The following SERPINB10 variants were observed in gnomAD, a reference collection of about 807,000 sequenced individuals.
SERPINB10 encodes serpin family B member 10, also known as serpin B10.
A neutral mutation model predicts 39.1 loss-of-function variants in SERPINB10; 35 were observed. The observed-to-expected ratio is 0.90, with a 90% CI of 0.68 to 1.19. The LOEUF is 1.19. Ranked by LOEUF, SERPINB10 falls within the 50% of genes most tolerant of loss-of-function variation. The pLI is 0.00. For synonymous variants in SERPINB10, 190 were observed against 158.1 expected, an observed-to-expected ratio of 1.20 and a Z score of -1.52; for missense variants, 546 against 460.5, an observed-to-expected ratio of 1.19 and a Z score of -1.70.
intron 5 of SERPINB10, among the ~76,000 whole-genome samples, chr18:63,926,539 G>A (rs1232469697): frequency 6.6e-6 from 1 of 152,014 alleles, no homozygotes; most frequent in East Asian, 1.9e-4. Context: ...TCACAAAAAT[G>A]CATAACTTGA....
chr18:63,920,517 A>C (rs1203501425), intron 5 of SERPINB10, among the ~76,000 whole-genome samples: 57 of 152,142 alleles, frequency 3.7e-4, no homozygotes, highest in Non-Finnish European at 2.9e-5. Flanking sequence ...CATGGCTTCC[A>C]TCTCTAGGTG....
At chr18:63,919,485 C>A (rs970868538) in intron 4 of SERPINB10, among the ~76,000 whole-genome samples, 2 of 151,898 alleles carry the variant, frequency 1.3e-5, no homozygotes, top group Non-Finnish European at 2.9e-5. Context: ...CCTTTCCATT[C>A]TAGCCTCATT....
At chr18:63,929,975 G>A (rs939061082) in intron 5 of SERPINB10, 70 bp from the exon 6 acceptor site, 1 of 1,494,582 alleles carries the variant, frequency 6.7e-7, no homozygotes, top group Non-Finnish European at 9.1e-7. Context: ...AAAAATAGAA[G>A]CCTGGTTGTC....
Position 63,917,459 on chromosome 18 carries a change from C to A in SERPINB10, c.172C>A (p.Leu58Ile). The change falls in exon 3 of 8, where the codon CTT (leucine) becomes ATT (isoleucine). Residue 58 changes from leucine (L) to isoleucine (I), a missense_variant. Coordinates refer to ENST00000238508, the MANE Select transcript of SERPINB10 (RefSeq NM_005024.3). ...TGTATTTTTATTGAAATTACAGGTG[C>A]TTCAATTTAACAGAGACCAGGGAGT... ...GTTAAQMAQVLQFNRDQGVKC... is the reference protein window; with the variant it reads ...GTTAAQMAQVIQFNRDQGVKC... The A allele has an allele frequency of 6.4e-7, 1 of 1,568,810 alleles. No homozygotes were observed.
At chr18:63,932,400 T>A (rs1485822902) in intron 6 of SERPINB10, among the ~76,000 whole-genome samples, 2 of 152,178 alleles carry the variant, frequency 1.3e-5, no homozygotes, top group Non-Finnish European at 2.9e-5. Flanking sequence ...TGTTGCTTCA[T>A]ATCGTCATCA....
chr18:63,915,963 T>C (rs1599077075), intron 2 of SERPINB10, among the ~76,000 whole-genome samples: 1 of 152,182 alleles, frequency 6.6e-6, no homozygotes, highest in East Asian at 1.9e-4. Context: ...AAACCAATTT[T>C]ATTTTGATGA....
At chr18:63,923,706 T>A (rs777579544) in intron 5 of SERPINB10, among the ~76,000 whole-genome samples, 16 of 151,964 alleles carry the variant, frequency 1.1e-4, no homozygotes, top group Non-Finnish European at 1.5e-4. Context: ...ATATTATTTA[T>A]TTCATGATTT....
intron 5 of SERPINB10, among the ~76,000 whole-genome samples, chr18:63,923,171 C>T (rs1346199088): frequency 1.3e-5 from 2 of 151,918 alleles, no homozygotes; most frequent in African/African-American, 4.8e-5. Context: ...TATTTCATTC[C>T]TCCAGCTGAC....
rs193272394 is a variant in SERPINB10 at position 63,926,251 on chromosome 18, T to A, written c.491-3794T>A. Among the ~76,000 whole-genome samples the A allele has an allele frequency of 2.4e-3, 363 of 152,078 alleles. 4 individuals are homozygous for A. The highest frequency in any genetic ancestry group is 8.3e-3 in the African/African-American group (345 of 41,502). ...TACATCACTCCAATCTTTGCCTGCA[T>A]TGGTACATGGCTTCCTCTTGTTATC... On this transcript the variant is annotated intron_variant, in intron 5 of 7. Transcript: ENST00000238508.
intron 6 of SERPINB10, among the ~76,000 whole-genome samples, chr18:63,932,339 C>G: frequency 6.6e-6 from 1 of 152,188 alleles, no homozygotes; most frequent in Non-Finnish European, 1.5e-5. Context: ...CAACTGTTTT[C>G]CAAAGTGGCT....
chr18:63,921,126 CAAAGGCATCATCATT>C (rs954904373), intron 5 of SERPINB10, among the ~76,000 whole-genome samples: 7 of 151,910 alleles, frequency 4.6e-5, no homozygotes, highest in Non-Finnish European at 1.0e-4. Context: ...TGAAGAAATA[CAAAGGCATCATCATT>C]AATGAAGATT....
intron 5 of SERPINB10, among the ~76,000 whole-genome samples, chr18:63,929,512 A>G (rs1177345666): frequency 2.6e-5 from 4 of 152,090 alleles, no homozygotes; most frequent in African/African-American, 9.6e-5. Context: ...ACATTTTAGC[A>G]CAAGTGTCTT....
At chr18:63,914,962 G>A (rs2050090724) in intron 1 of SERPINB10, among the ~76,000 whole-genome samples, 1 of 152,026 alleles carries the variant, frequency 6.6e-6, no homozygotes, top group Non-Finnish European at 1.5e-5. Flanking sequence ...TTCTCTACAA[G>A]CATTTTCCAA....
At chr18:63,916,537 C>T (rs1347155379) in intron 2 of SERPINB10, among the ~76,000 whole-genome samples, 1 of 152,010 alleles carries the variant, frequency 6.6e-6, no homozygotes, top group African/African-American at 2.4e-5. Context: ...CATCCTTACT[C>T]TTGTAGTTCA....
intron 5 of SERPINB10, 44 bp from the exon 6 acceptor site, chr18:63,929,997 TATAC>T (rs1232299066): frequency 6.3e-7 from 1 of 1,584,766 alleles, no homozygotes; most frequent in Non-Finnish European, 8.6e-7. Flanking sequence ...TTAGTTAAAA[TATAC>T]ATATTTCTAC....
At chr18:63,919,236 ATTTTT>A (rs397969917) in intron 4 of SERPINB10, among the ~76,000 whole-genome samples, 1 of 142,864 alleles carries the variant, frequency 7.0e-6, no homozygotes, top group East Asian at 2.0e-4. Context: ...TGAAGGCCTC[ATTTTT>A]TTTTTTTTTG....
intron 6 of SERPINB10, among the ~76,000 whole-genome samples, chr18:63,932,806 G>A (rs2050232509): frequency 1.3e-5 from 2 of 152,170 alleles, no homozygotes; most frequent in African/African-American, 4.8e-5. Context: ...ACATGTTGCT[G>A]TGATTTATAG....
At chr18:63,913,022 A>G (rs1381547353) in intron 1 of SERPINB10, among the ~76,000 whole-genome samples, 12 of 151,942 alleles carry the variant, frequency 7.9e-5, no homozygotes, top group Admixed American at 7.9e-4. Flanking sequence ...GTGTGTTTTC[A>G]GGAATTTATT....
intron 7 of SERPINB10, among the ~76,000 whole-genome samples, chr18:63,933,632 G>T (rs557730311): frequency 2.4e-4 from 37 of 152,244 alleles, no homozygotes; most frequent in Middle Eastern, 3.4e-3. Flanking sequence ...ATACACACAC[G>T]TACGCAGACA....
Sources: gnomAD v4.1 joint callset for allele counts (sites outside exome capture counted in the v4.1 genomes callset) on GRCh38, gnomAD v4.1.1 for gene constraint, MANE v1.5 for transcripts, NCBI Gene and HGNC (gene_info 2026-07-23, HGNC 2026-07-21) for gene names.